The following PIK3R3 variants were observed in gnomAD, a reference collection of about 807,000 sequenced individuals.
The protein encoded by PIK3R3 is phosphoinositide-3-kinase regulatory subunit 3, also known as phosphatidylinositol 3-kinase regulatory subunit gamma.
PIK3R3 carries 64 observed loss-of-function variants against 62.9 expected under a neutral mutation model. The observed-to-expected ratio is 1.02, with a 90% confidence interval of 0.83 to 1.25. The LOEUF (loss-of-function observed/expected upper bound fraction) is 1.25. Ranked by LOEUF, PIK3R3 falls within the 50% of genes most tolerant of loss-of-function variation. The pLI, the probability that PIK3R3 is intolerant of heterozygous loss-of-function variation, is 0.00. For synonymous variants in PIK3R3, 165 were observed against 189.0 expected, an observed-to-expected ratio of 0.87 and a Z score of 1.04; for missense variants, 614 against 561.6, an observed-to-expected ratio of 1.09 and a Z score of -0.94.
intron 1 of PIK3R3, among the ~76,000 whole-genome samples, chr1:46,102,799 A>G (rs1351655245): frequency 2.1e-5 from 2 of 93,326 alleles, no homozygotes; most frequent in South Asian, 8.8e-4. Context: ...CTGGGTATAT[A>G]TCTTAAAAAA....
chr1:46,094,845 G>A lies in PIK3R3; in HGVS notation c.107-14095C>T, dbSNP rs113974782. The stretch of plus-strand genomic sequence containing the variant: ...AAATGGTACAACAGCCAATCACAAC[G>A]TAGAATTTGGATCGTATGTTACTGA... On this transcript the variant is annotated intron_variant, in intron 1 of 9. Transcript: ENST00000262741. Among the ~76,000 whole-genome samples the A allele has an allele frequency of 2.9e-3, 440 of 152,254 alleles. 4 individuals are homozygous for A. Among genetic ancestry groups the A allele is most frequent in the African/African-American group, 0.01 (422 of 41,542 alleles).
At chr1:46,129,390 C>A (rs918595771) in intron 1 of PIK3R3, among the ~76,000 whole-genome samples, 1 of 143,704 alleles carries the variant, frequency 7.0e-6, no homozygotes, top group African/African-American at 2.5e-5. Flanking sequence ...AGAGGGTAAG[C>A]AATTGGGGGA....
chr1:46,126,586 G>A (rs1311800885), intron 1 of PIK3R3, among the ~76,000 whole-genome samples: 5 of 149,330 alleles, frequency 3.3e-5, no homozygotes, highest in Non-Finnish European at 7.4e-5. Context: ...GGATAGTAAA[G>A]ATGTCAATGC....
chr1:46,114,291 C>T (rs1470657594), intron 1 of PIK3R3, among the ~76,000 whole-genome samples: 1 of 152,082 alleles, frequency 6.6e-6, no homozygotes, highest in African/African-American at 2.4e-5. Context: ...GAAGTTCTTA[C>T]CTAAATAAGA....
chr1:46,073,369 T>C (rs1557581508), intron 3 of PIK3R3, among the ~76,000 whole-genome samples: 2 of 152,216 alleles, frequency 1.3e-5, no homozygotes, highest in South Asian at 2.1e-4. Context: ...AGGGCAATCA[T>C]GGCATTTAGG....
upstream of PIK3R3, among the ~76,000 whole-genome samples, chr1:46,134,029 T>C (rs1188227466): frequency 1.3e-5 from 2 of 152,192 alleles, no homozygotes; most frequent in Non-Finnish European, 2.9e-5. Context: ...ATTAACTTGC[T>C]GGGGAACACT....
At chr1:46,123,759 C>A (rs1256228961) in intron 1 of PIK3R3, among the ~76,000 whole-genome samples, 2 of 152,086 alleles carry the variant, frequency 1.3e-5, no homozygotes, top group Admixed American at 6.6e-5. Flanking sequence ...AATAACAATG[C>A]CAATTTTATA....
chr1:46,067,080 T>C lies in PIK3R3; in HGVS notation c.326A>G (p.Asn109Ser). The change falls in exon 4 of 10, where the codon AAT becomes AGT. Residue 109 changes from asparagine to serine, a missense_variant. Asn to Ser is a conservative substitution (Grantham distance 46, BLOSUM62 1). Transcript: ENST00000262741. ...DYTLTLRKGG[N>S]NKLIKIYHRD... ...GTGATAGATCTTTATTAACTTATTATTGCCTCCCTTCCTGTGAACAACAAG... is the reference window on the plus strand; with the variant it reads ...GTGATAGATCTTTATTAACTTATTACTGCCTCCCTTCCTGTGAACAACAAG... The C allele has an allele frequency of 6.4e-7, 1 of 1,567,210 alleles. No individual in the cohort carries two copies. The highest frequency in any genetic ancestry group is 8.6e-7 in the Non-Finnish European group (1 of 1,158,838).
chr1:46,101,388 C>T (rs1260957123), intron 1 of PIK3R3, among the ~76,000 whole-genome samples: 2 of 151,796 alleles, frequency 1.3e-5, no homozygotes, highest in African/African-American at 4.8e-5. Context: ...CACAGCTACT[C>T]GGGAGGCTGA....
At chr1:46,123,334 C>A in intron 1 of PIK3R3, among the ~76,000 whole-genome samples, 1 of 152,078 alleles carries the variant, frequency 6.6e-6, no homozygotes, top group East Asian at 1.9e-4. Flanking sequence ...ACATAGGAAG[C>A]AGCTTAAGCA....
the PIK3R3 span, among the ~76,000 whole-genome samples, chr1:46,158,956 G>T: frequency 2.6e-5 from 4 of 152,022 alleles, no homozygotes; most frequent in African/African-American, 9.7e-5. Flanking sequence ...GCGTGGTGGC[G>T]CGTGCCTGCT....
At chr1:46,069,806 A>C (rs1037971446) in intron 3 of PIK3R3, among the ~76,000 whole-genome samples, 1 of 152,178 alleles carries the variant, frequency 6.6e-6, no homozygotes, top group Non-Finnish European at 1.5e-5. Context: ...CAGCAAAGGA[A>C]ACCAAAAGGG....
intron 1 of PIK3R3, among the ~76,000 whole-genome samples, chr1:46,128,398 C>T (rs1655279242): frequency 6.6e-6 from 1 of 152,134 alleles, no homozygotes; most frequent in Non-Finnish European, 1.5e-5. Context: ...GATAGAGCCA[C>T]TGCACTCCAG....
At chr1:46,098,061 G>A (rs1420977048) in intron 1 of PIK3R3, among the ~76,000 whole-genome samples, 1 of 152,004 alleles carries the variant, frequency 6.6e-6, no homozygotes, top group Non-Finnish European at 1.5e-5. Context: ...CAGAATACAA[G>A]GAATATGCAA....
At chr1:46,115,875 A>C (rs1196695751) in intron 1 of PIK3R3, among the ~76,000 whole-genome samples, 6 of 152,180 alleles carry the variant, frequency 3.9e-5, no homozygotes, top group Admixed American at 3.9e-4. Context: ...GAATAATGAC[A>C]CGGGCAAAGG....
chr1:46,110,882 T>A (rs1653684798), intron 1 of PIK3R3, among the ~76,000 whole-genome samples: 2 of 151,346 alleles, frequency 1.3e-5, no homozygotes, highest in South Asian at 2.1e-4. Flanking sequence ...TTTTTTTTTT[T>A]AATTTTCCCA....
chr1:46,053,195 T>C (rs965436834), intron 7 of PIK3R3, among the ~76,000 whole-genome samples: 1 of 152,230 alleles, frequency 6.6e-6, no homozygotes, highest in African/African-American at 2.4e-5. Context: ...TCCTTACTTG[T>C]AGGTTATGAA....
intron 7 of PIK3R3, among the ~76,000 whole-genome samples, chr1:46,052,756 A>T (rs1241967165): frequency 6.6e-6 from 1 of 152,178 alleles, no homozygotes; most frequent in African/African-American, 2.4e-5. Context: ...GAAATTCTGT[A>T]TTTAAACACT....
intron 1 of PIK3R3, among the ~76,000 whole-genome samples, chr1:46,117,057 G>A (rs137993426): frequency 5.9e-5 from 9 of 152,280 alleles, no homozygotes; most frequent in Non-Finnish European, 1.2e-4. Context: ...GCATGGCTTC[G>A]TTCTCTTTAG....
Sources: gnomAD v4.1 joint callset for allele counts (sites outside exome capture counted in the v4.1 genomes callset) on GRCh38, gnomAD v4.1.1 for gene constraint, MANE v1.5 for transcripts, NCBI Gene and HGNC (gene_info 2026-07-23, HGNC 2026-07-21) for gene names.